Variants in PPP6R3 observed in about 807,000 individuals in gnomAD.
The protein encoded by PPP6R3 is serine/threonine-protein phosphatase 6 regulatory subunit 3.
PPP6R3 carries 38 observed loss-of-function variants against 110.7 expected under a neutral mutation model. That is an observed-to-expected ratio of 0.34 (90% confidence interval 0.26 to 0.45). PPP6R3 has a LOEUF of 0.45. Ranked by LOEUF, PPP6R3 falls within the 20% of genes least tolerant of loss-of-function variation. PPP6R3 has a pLI of 1.00. For synonymous variants in PPP6R3, 369 were observed against 373.5 expected (o/e 0.99, Z 0.14); for missense variants, 870 against 1,062.4 (o/e 0.82, Z 2.52).
At chr11:68,538,857 T>A (rs987902929) in intron 3 of PPP6R3, among the ~76,000 whole-genome samples, 2 of 152,210 alleles carry the variant, frequency 1.3e-5, no homozygotes, top group African/African-American at 4.8e-5. Context: ...CGGTGGCTCA[T>A]GCCTGTAATC....
At chr11:68,588,724 C>G (rs1360573912) in intron 16 of PPP6R3, among the ~76,000 whole-genome samples, 1 of 148,180 alleles carries the variant, frequency 6.7e-6, no homozygotes, top group Non-Finnish European at 1.5e-5. Flanking sequence ...GGATTACAGG[C>G]GTGAGTCACT....
intron 1 of PPP6R3, among the ~76,000 whole-genome samples, chr11:68,511,044 C>T (rs926766748): frequency 3.3e-5 from 5 of 151,236 alleles, no homozygotes; most frequent in Non-Finnish European, 7.4e-5. Context: ...ATTACAACCA[C>T]GTATACTACA....
chr11:68,557,381 T>C (rs1047276733), intron 7 of PPP6R3, among the ~76,000 whole-genome samples: 6 of 152,136 alleles, frequency 3.9e-5, no homozygotes, highest in African/African-American at 1.4e-4. Flanking sequence ...TGGCAAGAGG[T>C]GATCAAGGAA....
At chr11:68,490,806 T>G (rs1005309190) in intron 1 of PPP6R3, among the ~76,000 whole-genome samples, 1 of 152,228 alleles carries the variant, frequency 6.6e-6, no homozygotes, top group African/African-American at 2.4e-5. Context: ...GGTTATTTCT[T>G]AGAATTTCCA....
intron 1 of PPP6R3, among the ~76,000 whole-genome samples, chr11:68,516,098 T>C (rs1158697437): frequency 6.6e-6 from 1 of 152,230 alleles, no homozygotes; most frequent in East Asian, 1.9e-4. Context: ...TTGTCATTTT[T>C]GTGACTGGCT....
chr11:68,550,900 T>G (rs1025313063), intron 5 of PPP6R3: 1 of 463,282 alleles, frequency 2.2e-6, no homozygotes, highest in Non-Finnish European at 3.8e-6. Flanking sequence ...GTGTGGGTAT[T>G]GTAATTTGGG....
chr11:68,602,090 C>A, intron 21 of PPP6R3, 121 bp downstream of exon 21: 1 of 690,058 alleles, frequency 1.4e-6, no homozygotes, highest in Non-Finnish European at 2.4e-6. Context: ...CTGATGTCCA[C>A]AGGGCAGCTG....
intron 22 of PPP6R3, among the ~76,000 whole-genome samples, chr11:68,608,262 T>C (rs1306882873): frequency 6.6e-6 from 1 of 151,980 alleles, no homozygotes; most frequent in African/African-American, 2.4e-5. Context: ...AATTAGAAAA[T>C]TGGCAAAAGA....
intron 22 of PPP6R3, among the ~76,000 whole-genome samples, chr11:68,605,666 A>G (rs529605316): frequency 1.2e-4 from 19 of 152,374 alleles, no homozygotes; most frequent in African/African-American, 4.6e-4. Context: ...CCCAGAAGAC[A>G]TAAAATGAAA....
rs531164433 is a variant in PPP6R3 at position 68,461,614 on chromosome 11, T to A, written c.-158+787T>A. 8.7e-4 allele frequency among the ~76,000 whole-genome samples: 132 copies of A among 152,260 alleles called. 1 individual carries two copies. Among genetic ancestry groups the A allele is most frequent in the African/African-American group, 3.1e-3 (127 of 41,552 alleles). On this transcript the variant is annotated intron_variant, in intron 1 of 23. Coordinates refer to ENST00000393800, the MANE Select transcript of PPP6R3 (RefSeq NM_001164161.2). ...TGCTGGCTGTGATCACAATTTAGAC[T>A]TTTTAATTATAGGTGAACGGGATGG... is the stretch of plus-strand genomic sequence containing the variant.
chr11:68,548,423 GT>G (rs3216107), intron 5 of PPP6R3, among the ~76,000 whole-genome samples: 36,564 of 152,124 alleles, frequency 0.24, 4,653 homozygotes, highest in Middle Eastern at 0.33. Flanking sequence ...CCCTAGGTAT[GT>G]AGGATGTTTT....
intron 4 of PPP6R3, among the ~76,000 whole-genome samples, chr11:68,546,391 A>G (rs1277607049): frequency 1.3e-5 from 2 of 152,202 alleles, no homozygotes; most frequent in Non-Finnish European, 2.9e-5. Flanking sequence ...TTGGAATCCA[A>G]GTTGGCGAGC....
chr11:68,584,255 G>A (rs2099571260), intron 15 of PPP6R3, among the ~76,000 whole-genome samples: 2 of 152,142 alleles, frequency 1.3e-5, no homozygotes, highest in African/African-American at 2.4e-5. Context: ...TAGGCTGCAC[G>A]GGCCGTGGCG....
chr11:68,510,357 A>G (rs1204040942), intron 1 of PPP6R3, among the ~76,000 whole-genome samples: 2 of 151,584 alleles, frequency 1.3e-5, no homozygotes, highest in Non-Finnish European at 2.9e-5. Flanking sequence ...GTTTTTTTTG[A>G]AACAGGGTTT....
intron 8 of PPP6R3, among the ~76,000 whole-genome samples, chr11:68,563,174 G>A: frequency 6.6e-6 from 1 of 151,760 alleles, no homozygotes; most frequent in Middle Eastern, 3.4e-3. Context: ...GCTGAGGGAG[G>A]AGGATCACTT....
At chr11:68,523,845 C>T (rs771302357) in intron 2 of PPP6R3, among the ~76,000 whole-genome samples, 2 of 151,652 alleles carry the variant, frequency 1.3e-5, no homozygotes, top group African/African-American at 2.4e-5. Flanking sequence ...GAATTGTTGG[C>T]GTTCTTGGCT....
chr11:68,548,439 T>C (rs2099357822), intron 5 of PPP6R3, among the ~76,000 whole-genome samples: 1 of 152,166 alleles, frequency 6.6e-6, no homozygotes, highest in South Asian at 2.1e-4. Context: ...TGTTTTGTTG[T>C]GAGTATTTTT....
chr11:68,509,744 ATTTTTTTTTTT>A (rs59022544), intron 1 of PPP6R3, among the ~76,000 whole-genome samples: 2 of 102,152 alleles, frequency 2.0e-5, no homozygotes, highest in East Asian at 5.9e-4. Flanking sequence ...CATGTGGCTA[ATTTTTTTTTTT>A]TTTTTTTTTT....
At chr11:68,585,268 T>TCTC (rs1187512908) in intron 15 of PPP6R3, among the ~76,000 whole-genome samples, 1 of 152,210 alleles carries the variant, frequency 6.6e-6, no homozygotes, top group African/African-American at 2.4e-5. Flanking sequence ...TCTGGAGAAT[T>TCTC]CAGACTGACT....
Sources: gnomAD v4.1 joint callset for allele counts (sites outside exome capture counted in the v4.1 genomes callset) on GRCh38, gnomAD v4.1.1 for gene constraint, MANE v1.5 for transcripts, NCBI Gene and HGNC (gene_info 2026-07-23, HGNC 2026-07-21) for gene names.